The following NAALADL2 variants were observed in gnomAD, a reference collection of about 807,000 sequenced individuals.
NAALADL2 encodes N-acetylated alpha-linked acidic dipeptidase like 2, also known as inactive N-acetylated-alpha-linked acidic dipeptidase-like protein 2.
A neutral mutation model predicts 87.2 loss-of-function variants in NAALADL2; 76 were observed. The ratio of observed to expected loss-of-function variants is 0.87; its 90% CI spans 0.72 to 1.05. NAALADL2 has a LOEUF of 1.05. Ranked by LOEUF, NAALADL2 falls within the 50% of genes least tolerant of loss-of-function variation. The pLI, the probability that NAALADL2 is intolerant of heterozygous loss-of-function variation, is 0.00. For synonymous variants in NAALADL2, 354 were observed against 331.0 expected, an observed-to-expected ratio of 1.07 and a Z score of -0.75; for missense variants, 1,089 against 945.8, an observed-to-expected ratio of 1.15 and a Z score of -1.99.
chr3:174,686,609 A>G (rs1728065803), intron 2 of NAALADL2, among the ~76,000 whole-genome samples: 3 of 152,092 alleles, frequency 2.0e-5, no homozygotes, highest in African/African-American at 7.2e-5. Context: ...AGAACAATGG[A>G]ACAGAATAGA....
At chr3:174,852,259 T>C (rs1445307703) in intron 3 of NAALADL2, among the ~76,000 whole-genome samples, 1 of 152,110 alleles carries the variant, frequency 6.6e-6, no homozygotes, top group East Asian at 1.9e-4. Context: ...GGCATCCGAA[T>C]TGGAAAGGAA....
At chr3:174,526,369 G>T (rs1364648433) in intron 1 of NAALADL2, among the ~76,000 whole-genome samples, 2 of 152,088 alleles carry the variant, frequency 1.3e-5, no homozygotes, top group Admixed American at 6.5e-5. Flanking sequence ...TGTGACTTTG[G>T]CATGCTTTAC....
At chr3:174,958,947 A>T (rs1469703801) in intron 1 of NAALADL2, among the ~76,000 whole-genome samples, 1 of 152,114 alleles carries the variant, frequency 6.6e-6, no homozygotes, top group Non-Finnish European at 1.5e-5. Context: ...AATAACTATC[A>T]TTCAAAAAGT....
chr3:174,977,222 C>T (rs563802576), intron 1 of NAALADL2, among the ~76,000 whole-genome samples: 13 of 152,166 alleles, frequency 8.5e-5, no homozygotes, highest in South Asian at 4.2e-4. Context: ...TGGTGGTTTC[C>T]GGGGGCTGGA....
intron 4 of NAALADL2, among the ~76,000 whole-genome samples, chr3:175,281,154 C>T (rs1754258611): frequency 6.6e-6 from 1 of 150,874 alleles, no homozygotes. Flanking sequence ...GTAATTGTCA[C>T]TTATTTAAAT....
chr3:174,623,574 A>G (rs554948781), intron 2 of NAALADL2, among the ~76,000 whole-genome samples: 2 of 151,650 alleles, frequency 1.3e-5, no homozygotes, highest in East Asian at 3.9e-4. Context: ...ATATTTATAA[A>G]TATTTAAATA....
chr3:175,142,089 G>A (rs988620295), intron 2 of NAALADL2, among the ~76,000 whole-genome samples: 2 of 151,952 alleles, frequency 1.3e-5, no homozygotes, highest in Non-Finnish European at 2.9e-5. Flanking sequence ...CAGCACAATC[G>A]ATGACACATT....
chr3:175,534,483 C>A (rs1227645298), intron 9 of NAALADL2, among the ~76,000 whole-genome samples: 2 of 152,200 alleles, frequency 1.3e-5, no homozygotes, highest in Middle Eastern at 3.4e-3. Flanking sequence ...TTTCTGCCTG[C>A]TTTAAAAGTA....
chr3:174,973,184 T>C (rs979716710), intron 1 of NAALADL2, among the ~76,000 whole-genome samples: 2 of 152,134 alleles, frequency 1.3e-5, no homozygotes, highest in Non-Finnish European at 2.9e-5. Flanking sequence ...TCAGTGTCCT[T>C]TATGGCATAC....
chr3:174,595,863 T>A (rs1412304999), intron 2 of NAALADL2, among the ~76,000 whole-genome samples: 1 of 151,782 alleles, frequency 6.6e-6, no homozygotes, highest in East Asian at 1.9e-4. Flanking sequence ...ATACAAAAAA[T>A]TAGCTGGGTG....
intron 1 of NAALADL2, among the ~76,000 whole-genome samples, chr3:174,525,587 T>A (rs939610336): frequency 6.6e-6 from 1 of 151,932 alleles, no homozygotes; most frequent in African/African-American, 2.4e-5. Context: ...ACATTGAGAG[T>A]CACATTTTAC....
chr3:174,524,166 A>T (rs1720517907), intron 1 of NAALADL2, among the ~76,000 whole-genome samples: 1 of 152,236 alleles, frequency 6.6e-6, no homozygotes, highest in South Asian at 2.1e-4. Flanking sequence ...TAATTTAGCT[A>T]CATTAAAGTA....
intron 13 of NAALADL2, chr3:175,774,986 A>G (rs1335895901): frequency 6.6e-6 from 1 of 151,908 alleles, no homozygotes; most frequent in Non-Finnish European, 1.5e-5. Context: ...GTTCCCAAAT[A>G]TCCCACATTT....
At chr3:175,159,156 A>G (rs1351042643) in intron 2 of NAALADL2, among the ~76,000 whole-genome samples, 1 of 152,188 alleles carries the variant, frequency 6.6e-6, no homozygotes, top group Non-Finnish European at 1.5e-5. Context: ...ATTTTAGATG[A>G]ATGTGTTCTC....
chr3:174,901,757 A>C (rs751202113), intron 1 of NAALADL2, among the ~76,000 whole-genome samples: 1 of 152,144 alleles, frequency 6.6e-6, no homozygotes, highest in Non-Finnish European at 1.5e-5. Context: ...GTGTACTTAG[A>C]TCTGTAACTA....
chr3:174,991,456 T>C (rs1167577603), intron 1 of NAALADL2, among the ~76,000 whole-genome samples: 4 of 151,750 alleles, frequency 2.6e-5, no homozygotes, highest in African/African-American at 9.7e-5. Context: ...AAAAACATAT[T>C]TTTAGAGACA....
chr3:174,963,976 G>C (rs2092931281), intron 1 of NAALADL2, among the ~76,000 whole-genome samples: 1 of 151,778 alleles, frequency 6.6e-6, no homozygotes, highest in African/African-American at 2.4e-5. Context: ...ATCTAAGCAT[G>C]GAATGTACCA....
chr3:175,190,811 C>T (rs1431853692), intron 2 of NAALADL2, among the ~76,000 whole-genome samples: 2 of 151,754 alleles, frequency 1.3e-5, no homozygotes, highest in East Asian at 1.9e-4. Context: ...CCCGTCTCTA[C>T]TAAAAATACA....
At chr3:175,331,652 C>A (rs1484746211) in intron 5 of NAALADL2, among the ~76,000 whole-genome samples, 5 of 152,064 alleles carry the variant, frequency 3.3e-5, no homozygotes, top group Non-Finnish European at 7.4e-5. Context: ...TACTTAATAC[C>A]ATACTAAATG....
Sources: allele counts gnomAD v4.1 joint callset (sites outside exome capture counted in the v4.1 genomes callset), GRCh38; gene constraint gnomAD v4.1.1; transcripts MANE v1.5; gene names NCBI Gene and HGNC (gene_info 2026-07-23, HGNC 2026-07-21).